PHRF1: variants seen among roughly 807,000 people sequenced by gnomAD.
PHRF1 encodes PHD and ring finger domains 1, also known as PHD and RING finger domain-containing protein 1.
A neutral mutation model predicts 128.9 loss-of-function variants in PHRF1; 53 were observed. That is an observed-to-expected ratio of 0.41 (90% CI 0.33 to 0.52). The LOEUF (loss-of-function observed/expected upper bound fraction) is 0.52. Ranked by LOEUF, PHRF1 falls within the 20% of genes least tolerant of loss-of-function variation. PHRF1 has a pLI of 0.21. For synonymous variants in PHRF1, 1,178 were observed against 980.6 expected (o/e 1.20, Z -3.76); for missense variants, 2,503 against 2,284.5 (o/e 1.10, Z -1.95).
At chr11:600,689 A>G (rs1464034839) in intron 9 of PHRF1, among the ~76,000 whole-genome samples, 3 of 151,454 alleles carry the variant, frequency 2.0e-5, no homozygotes, top group South Asian at 4.2e-4. Flanking sequence ...AAATTAGGCC[A>G]GGCATGGTGG....
Position 611,708 on chromosome 11 carries a change from C to T in PHRF1, c.4881C>T (p.Tyr1627=), listed in dbSNP as rs371653402. Residue 1627 remains tyrosine, a synonymous_variant, in exon 18 of 18, where the codon TAC becomes TAT. Transcript: ENST00000264555. Reference sequence around the variant, plus strand: ...TGGTGAAGGCGTACGTGGACAAGTACAGGCACATGCGCAGGCACAAGAAAC... The same window carrying T: ...TGGTGAAGGCGTACGTGGACAAGTATAGGCACATGCGCAGGCACAAGAAAC... ...ANLVKAYVDK[Y]RHMRRHKKPE... is the part of the protein sequence containing the mutation. 59 of 1,612,930 alleles carry T rather than the reference C, an allele frequency of 3.7e-5. No homozygotes were observed. The African/African-American group carries it at 5.9e-4, about 16-fold the overall frequency.
intron 6 of PHRF1, among the ~76,000 whole-genome samples, chr11:593,417 G>C (rs1325569075): frequency 6.6e-6 from 1 of 152,276 alleles, no homozygotes; most frequent in African/African-American, 2.4e-5. Context: ...GGAGCCAGGA[G>C]GCCTTGACGT....
At chr11:594,170 C>G (rs1055208020) in intron 6 of PHRF1, among the ~76,000 whole-genome samples, 9 of 152,214 alleles carry the variant, frequency 5.9e-5, no homozygotes, top group Non-Finnish European at 1.2e-4. Context: ...GACTGGTCCT[C>G]TTTTGTCCTC....
chr11:584,155 G>A (rs1206770109), intron 3 of PHRF1, among the ~76,000 whole-genome samples: 4 of 152,184 alleles, frequency 2.6e-5, no homozygotes, highest in African/African-American at 4.8e-5. Flanking sequence ...CGTGCTCTGC[G>A]GGTCTGCTTG....
Position 610,434 on chromosome 11 carries a change from C to T in PHRF1, c.4417-67C>T, listed in dbSNP as rs573295941. On this transcript the variant is annotated intron_variant, in intron 15 of 17. Coordinates refer to ENST00000264555, the MANE Select transcript of PHRF1 (RefSeq NM_001286581.2). Reference sequence around the variant, plus strand: ...CACCACACTAGGCTGGGGCTGAGGCCTCACAGCTCCTGGGCACAGAGCTGC... The same window carrying T: ...CACCACACTAGGCTGGGGCTGAGGCTTCACAGCTCCTGGGCACAGAGCTGC... 736 of 1,552,616 alleles carry T rather than the reference C, an allele frequency of 4.7e-4. 3 individuals are homozygous for T. The Middle Eastern group carries it at 0.014, about 29-fold the overall frequency.
intron 4 of PHRF1, among the ~76,000 whole-genome samples, chr11:590,826 C>T (rs1345665278): frequency 1.3e-5 from 2 of 152,090 alleles, no homozygotes; most frequent in African/African-American, 4.8e-5. Flanking sequence ...GCCTCAGCCT[C>T]CCGAGTAGCT....
Position 609,529 on chromosome 11 carries a change from C to G in PHRF1, c.4073C>G (p.Pro1358Arg). The part of the protein sequence containing the change: ...RPDAAEKAEA[P>R]SSPDVAPAGK... ...GACGCGGCTGAGAAGGCTGAGGCAC[C>G]CAGTTCCCCGGATGTGGCGCCTGCG... The change falls in exon 14 of 18, where the codon CCC becomes CGC. Residue 1358 changes from proline to arginine, a missense_variant. By Grantham distance (103) the Pro-to-Arg change is moderately radical. Coordinates refer to ENST00000264555, the MANE Select transcript of PHRF1 (RefSeq NM_001286581.2). 6.2e-7 allele frequency: 1 copy of G among 1,601,356 alleles called. No individual in the cohort carries two copies. Among genetic ancestry groups the G allele is most frequent in the Non-Finnish European group, 8.5e-7 (1 of 1,176,532 alleles).
At position 604,779 on chromosome 11, in the gene PHRF1, T is replaced by C. The variant is rs1205570433; in HGVS notation, c.1153-340T>C. 3.3e-5 allele frequency among the ~76,000 whole-genome samples: 5 copies of C among 152,220 alleles called. No homozygotes were observed. In the East Asian group the frequency reaches 9.6e-4, roughly 29 times the overall value. ...TGTCTGCCTTGGGCTCCCAGAATGC[T>C]GGGATTACAGATGTGAGCCATCAAG... On this transcript the variant is annotated intron_variant, in intron 10 of 17. Coordinates refer to ENST00000264555, the MANE Select transcript of PHRF1 (RefSeq NM_001286581.2).
At chr11:594,991 C>G (rs764824429) in intron 6 of PHRF1, among the ~76,000 whole-genome samples, 1 of 152,198 alleles carries the variant, frequency 6.6e-6, no homozygotes. Flanking sequence ...CATACTGTTA[C>G]AATTTGCAGT....
At chr11:610,128 G>A in intron 14 of PHRF1, 68 bp from the exon 15 acceptor site, 1 of 1,445,586 alleles carries the variant, frequency 6.9e-7, no homozygotes, top group Non-Finnish European at 9.1e-7. Flanking sequence ...GATTTTTCCA[G>A]CCATGAAACA....
Position 587,355 on chromosome 11 carries a change from A to T in PHRF1, c.311A>T (p.Asp104Val), listed in dbSNP as rs762129048. 1.9e-6 allele frequency: 3 copies of T among 1,613,844 alleles called. No individual in the cohort carries two copies. The South Asian group carries it at 3.3e-5, about 18-fold the overall frequency. The change falls in exon 4 of 18, where the codon GAT (aspartate) becomes GTT (valine). Residue 104 changes from aspartate (D) to valine (V), a missense_variant. By Grantham distance (152) the Asp-to-Val change is radical. Coordinates refer to ENST00000264555, the MANE Select transcript of PHRF1 (RefSeq NM_001286581.2). Reference sequence around the variant, plus strand: ...GCTGGCTCTTTCAATTCTGATGATGATGCAGAGAGCTGCCCAATCTGTCTC... The same window carrying T: ...GCTGGCTCTTTCAATTCTGATGATGTTGCAGAGAGCTGCCCAATCTGTCTC... ...EAAGSFNSDD[D>V]AESCPICLNA...
intron 10 of PHRF1, among the ~76,000 whole-genome samples, chr11:602,821 G>A (rs1237363658): frequency 6.7e-6 from 1 of 149,028 alleles, no homozygotes; most frequent in Non-Finnish European, 1.5e-5. Flanking sequence ...GGAGTGTAGT[G>A]GTGCGATCTC....
At chr11:611,585 G>T (rs1190481948) in intron 17 of PHRF1, 49 bp from the exon 18 acceptor site, 1 of 1,610,842 alleles carries the variant, frequency 6.2e-7, no homozygotes, top group African/African-American at 1.3e-5. Flanking sequence ...CTCTGGCCCG[G>T]AACATCTGGA....
chr11:605,482 C>T, intron 11 of PHRF1, 123 bp from the exon 12 acceptor site: 1 of 1,504,726 alleles, frequency 6.6e-7, no homozygotes, highest in Non-Finnish European at 8.9e-7. Flanking sequence ...GGTTCGGGGC[C>T]CGAATCACAC....
Position 581,618 on chromosome 11 carries a change from A to C in PHRF1, c.94+12A>C. 6.2e-7 allele frequency: 1 copy of C among 1,606,794 alleles called. No individual in the cohort carries two copies. ...GGCAGGTGACTTTGGTGAGCTGCCT[A>C]GCGCCGGGTAGGGGCGTCCCCAGGA... On this transcript the variant is annotated intron_variant, in intron 2 of 17. Coordinates refer to ENST00000264555, the MANE Select transcript of PHRF1 (RefSeq NM_001286581.2).
Position 607,434 on chromosome 11 carries a change from A to C in PHRF1, c.1978A>C (p.Ser660Arg), listed in dbSNP as rs1047285572. Reference sequence around the variant, plus strand: ...CAGAGATTCTAAGCCCCCATGTCGCAGTGTGGTGCCGGGGCCTCCCCTGAA... The same window carrying C: ...CAGAGATTCTAAGCCCCCATGTCGCCGTGTGGTGCCGGGGCCTCCCCTGAA... ...SSRDSKPPCR[S>R]VVPGPPLKPA... is the part of the protein sequence containing the mutation. Residue 660 changes from serine to arginine, a missense_variant, in exon 14 of 18, where the codon AGT becomes CGT. Physicochemically the swap from Ser to Arg is moderately radical, Grantham distance 110 (BLOSUM62 -1). Transcript: ENST00000264555. The C allele has an allele frequency of 1.9e-5, 31 of 1,612,724 alleles. No homozygotes were observed. Among genetic ancestry groups the C allele is most frequent in the African/African-American group, 2.7e-5 (2 of 74,946 alleles).
intron 1 of PHRF1, among the ~76,000 whole-genome samples, chr11:578,879 TCTCA>T (rs1435212187): frequency 1.3e-5 from 2 of 151,566 alleles, no homozygotes; most frequent in African/African-American, 2.4e-5. Context: ...TGAGACTGAG[TCTCA>T]CTCTGTCGCC....
In PHRF1 at chr11:608,712, C is replaced by T. The variant is rs375916304; in HGVS notation, c.3256C>T (p.Arg1086Trp). 43 of 1,610,666 alleles carry T rather than the reference C, an allele frequency of 2.7e-5. No homozygotes were observed. The highest frequency in any genetic ancestry group is 6.7e-5 in the African/African-American group (5 of 74,666). ...CAGGCGGGGCCCCTGGGGCCACAGC[C>T]GGAGGACGTCCCGGTCGCGGTCGGG... The part of the protein sequence containing the change: ...EHRRGPWGHS[R>W]RTSRSRSGSP... The change falls in exon 14 of 18, where the codon CGG becomes TGG. Residue 1086 changes from arginine (R) to tryptophan (W), a missense_variant. Transcript: ENST00000264555.
intron 11 of PHRF1, 25 bp from the exon 12 acceptor site, chr11:605,580 C>T (rs1252260366): frequency 1.9e-6 from 3 of 1,610,862 alleles, no homozygotes; most frequent in African/African-American, 2.7e-5. Flanking sequence ...CACTTGTTCC[C>T]TTTGGCCTGT....
Sources: allele counts gnomAD v4.1 joint callset (sites outside exome capture counted in the v4.1 genomes callset), GRCh38; gene constraint gnomAD v4.1.1; transcripts MANE v1.5; gene names NCBI Gene and HGNC (gene_info 2026-07-23, HGNC 2026-07-21).